The following SLC7A5 variants were observed in gnomAD, a reference collection of about 807,000 sequenced individuals.
The protein encoded by SLC7A5 is large neutral amino acids transporter small subunit 1.
A neutral mutation model predicts 50.2 loss-of-function variants in SLC7A5; 23 were observed. That is an observed-to-expected ratio of 0.46 (90% CI 0.33 to 0.65). SLC7A5 has a LOEUF of 0.65. SLC7A5 is among the 30% of genes least tolerant of loss of function. The pLI is 0.02. For synonymous variants in SLC7A5, 393 were observed against 330.6 expected (o/e 1.19, Z -2.05); for missense variants, 578 against 684.4 (o/e 0.84, Z 1.73).
At chr16:87,839,913 A>G (rs2055062353) in intron 4 of SLC7A5, 88 bp from the exon 5 acceptor site, 1 of 1,558,318 alleles carries the variant, frequency 6.4e-7, no homozygotes, top group South Asian at 1.1e-5. Flanking sequence ...GCTCCTCGCA[A>G]GCAGTAGCTC....
intron 1 of SLC7A5, among the ~76,000 whole-genome samples, chr16:87,855,959 C>T (rs73234421): frequency 0.074 from 11,230 of 152,262 alleles, 539 homozygotes; most frequent in South Asian, 0.14. Flanking sequence ...CCTGGGCCGC[C>T]GGTCCTCACC....
rs1035432160 is a variant in SLC7A5 at position 87,853,675 on chromosome 16, A to G, written c.539-1826T>C. 3.9e-5 allele frequency among the ~76,000 whole-genome samples: 6 copies of G among 152,196 alleles called. No homozygotes were observed. The highest frequency in any genetic ancestry group is 7.2e-5 in the African/African-American group (3 of 41,444). On this transcript the variant is annotated intron_variant, in intron 1 of 9. Transcript: ENST00000261622. The surrounding 1 kb of genome is among the most constrained non-coding windows in gnomAD (Gnocchi z 4.4). ...TGGTTGGGGGGAGCACGACCATAAA[A>G]GAAACTGAGCCTCGGGGACCTAGCC...
rs2055370150 is a variant in SLC7A5 at position 87,860,002 on chromosome 16, G to A, written c.539-8153C>T. 1.3e-5 allele frequency among the ~76,000 whole-genome samples: 2 copies of A among 151,710 alleles called. No individual in the cohort carries two copies. ...CAGATACTCCTTTCTATTGATACCA[G>A]GTCTTTAGCTAATAACTCTTTCAAC... On this transcript the variant is annotated intron_variant, in intron 1 of 9. Coordinates refer to ENST00000261622, the MANE Select transcript of SLC7A5 (RefSeq NM_003486.7). The surrounding 1 kb of genome is among the most constrained non-coding windows in gnomAD (Gnocchi z 4.8).
chr16:87,837,092 C>A (rs1410129964), intron 7 of SLC7A5, among the ~76,000 whole-genome samples: 1 of 152,232 alleles, frequency 6.6e-6, no homozygotes, highest in Non-Finnish European at 1.5e-5. Context: ...GCCAAAGAGT[C>A]CAGGACTTGC....
At chr16:87,847,109 A>G (rs1278513579) in intron 2 of SLC7A5, among the ~76,000 whole-genome samples, 1 of 152,194 alleles carries the variant, frequency 6.6e-6, no homozygotes, top group East Asian at 1.9e-4. Context: ...CTAGAAGCCC[A>G]GCTATGGGTC....
chr16:87,840,601 G>C (rs1042054333), intron 3 of SLC7A5, 128 bp from the exon 4 acceptor site: 4 of 804,644 alleles, frequency 5.0e-6, no homozygotes, highest in African/African-American at 1.8e-5. Context: ...GCTGGAAAGC[G>C]GACCTGGAGT....
At chr16:87,842,139 G>A (rs1203937366) in intron 2 of SLC7A5, among the ~76,000 whole-genome samples, 1 of 152,200 alleles carries the variant, frequency 6.6e-6, no homozygotes, top group Admixed American at 6.5e-5. Context: ...AAAGGAGCCG[G>A]GTCCCCTCCT....
chr16:87,832,818 A>T lies in SLC7A5; in HGVS notation c.*152T>A. The stretch of plus-strand genomic sequence containing the variant: ...ATGAGATTCGTACCAGAGTTTTCAC[A>T]GCAGCCTCCACTGCCCGACCTGGGA... On this transcript the variant is annotated 3_prime_UTR_variant, in exon 10 of 10. Coordinates refer to ENST00000261622, the MANE Select transcript of SLC7A5 (RefSeq NM_003486.7). The surrounding 1 kb of genome is among the most constrained non-coding windows in gnomAD (Gnocchi z 4.6). The T allele has an allele frequency of 1.4e-6, 1 of 706,402 alleles. No individual in the cohort carries two copies. 43.8% of individuals were successfully genotyped at this position (706,402 alleles called of 1,614,324 possible).
rs778102878 is a variant in SLC7A5, at chr16:87,860,797, G to A, written c.538+8088C>T. 1.3e-5 allele frequency among the ~76,000 whole-genome samples: 2 copies of A among 152,168 alleles called. No individual in the cohort carries two copies. Reference sequence around the variant, plus strand: ...GCTCCAAGGCCCAGAATAGGAGGTCGGTGCTCATTCCTCACGTAGTGGGCA... The same window carrying A: ...GCTCCAAGGCCCAGAATAGGAGGTCAGTGCTCATTCCTCACGTAGTGGGCA... On this transcript the variant is annotated intron_variant, in intron 1 of 9. Transcript: ENST00000261622. This position sits in a 1 kb window ranked among gnomAD's most constrained non-coding sequence, Gnocchi z 4.8.
At chr16:87,847,689 C>T (rs8044189) in intron 2 of SLC7A5, among the ~76,000 whole-genome samples, 4,028 of 152,274 alleles carry the variant, frequency 0.026, 167 homozygotes, top group African/African-American at 0.089. Flanking sequence ...CCCCCAGCAG[C>T]GCATGACCCT....
chr16:87,852,129 T>C lies in SLC7A5; in HGVS notation c.539-280A>G, dbSNP rs74706487. ...CCTCACCCCCCACCACACCAGGCCATGGAGTCCCACCTGTAGTCAGGACTT... is the reference window on the plus strand; with the variant it reads ...CCTCACCCCCCACCACACCAGGCCACGGAGTCCCACCTGTAGTCAGGACTT... On this transcript the variant is annotated intron_variant, in intron 1 of 9. Coordinates refer to ENST00000261622, the MANE Select transcript of SLC7A5 (RefSeq NM_003486.7). This position sits in a 1 kb window ranked among gnomAD's most constrained non-coding sequence, Gnocchi z 4.5. Among the ~76,000 whole-genome samples the C allele has an allele frequency of 0.014, 2,099 of 152,242 alleles. 53 individuals carry two copies. The highest frequency in any genetic ancestry group is 0.048 in the African/African-American group (1,996 of 41,550).
intron 1 of SLC7A5, among the ~76,000 whole-genome samples, chr16:87,867,648 C>A (rs913648145): frequency 5.9e-5 from 9 of 152,052 alleles, no homozygotes; most frequent in African/African-American, 7.2e-5. Context: ...TGGCTCAAGA[C>A]CCCAACTATA....
At position 87,833,724 on chromosome 16, in the gene SLC7A5, G is replaced by A. The variant is rs902356757; in HGVS notation, c.1468+690C>T. 3.9e-5 allele frequency among the ~76,000 whole-genome samples: 6 copies of A among 152,208 alleles called. No homozygotes were observed. Among genetic ancestry groups the A allele is most frequent in the East Asian group, 1.9e-4 (1 of 5,166 alleles). ...GACATGGGGATCAGCATGTAGGCCC[G>A]CAAGCACCCCGGCCTTTTTCTACGA... is the stretch of plus-strand genomic sequence containing the variant. On this transcript the variant is annotated intron_variant, in intron 9 of 9. Coordinates refer to ENST00000261622, the MANE Select transcript of SLC7A5 (RefSeq NM_003486.7). The surrounding 1 kb of genome is among the most constrained non-coding windows in gnomAD (Gnocchi z 6.0).
At chr16:87,856,212 C>T (rs2055317985) in intron 1 of SLC7A5, among the ~76,000 whole-genome samples, 1 of 152,246 alleles carries the variant, frequency 6.6e-6, no homozygotes, top group Non-Finnish European at 1.5e-5. Context: ...CAGGAGTCAT[C>T]TGTAATGACA....
At chr16:87,845,752 A>G (rs1234421044) in intron 2 of SLC7A5, among the ~76,000 whole-genome samples, 1 of 152,116 alleles carries the variant, frequency 6.6e-6, no homozygotes. Flanking sequence ...CCAACCTCAC[A>G]CCAGAAGTAA....
At chr16:87,838,568 C>T (rs2055041859) in intron 6 of SLC7A5, 146 bp downstream of exon 6, 4 of 717,706 alleles carry the variant, frequency 5.6e-6, no homozygotes, top group South Asian at 3.0e-5. Flanking sequence ...GCTGGGATTA[C>T]AGGTATGAGC....
intron 1 of SLC7A5, among the ~76,000 whole-genome samples, chr16:87,863,039 G>GC (rs1303323944): frequency 2.6e-5 from 4 of 152,216 alleles, no homozygotes; most frequent in Admixed American, 2.6e-4. Context: ...TGTCTCAGCA[G>GC]CCCCCCATGC....
chr16:87,863,354 G>A lies in SLC7A5; in HGVS notation c.538+5531C>T, dbSNP rs146272930. Among the ~76,000 whole-genome samples, 29 of 152,242 alleles carry A rather than the reference G, an allele frequency of 1.9e-4. No homozygotes were observed. In the East Asian group the frequency reaches 4.4e-3, roughly 23 times the overall value. Reference sequence around the variant, plus strand: ...ACTTTGAGTGGATGCTACCCTACTCGCTATGCAGAGCCAGCTGGGGCCCAG... The same window carrying A: ...ACTTTGAGTGGATGCTACCCTACTCACTATGCAGAGCCAGCTGGGGCCCAG... On this transcript the variant is annotated intron_variant, in intron 1 of 9. Coordinates refer to ENST00000261622, the MANE Select transcript of SLC7A5 (RefSeq NM_003486.7).
chr16:87,857,003 C>T (rs1424077217), intron 1 of SLC7A5, among the ~76,000 whole-genome samples: 6 of 127,488 alleles, frequency 4.7e-5, no homozygotes, highest in Non-Finnish European at 8.0e-5. Context: ...GACACGTCAC[C>T]GCCCCGGGCT....
Sources: gnomAD v4.1 joint callset for allele counts (sites outside exome capture counted in the v4.1 genomes callset) on GRCh38, gnomAD v4.1.1 for gene constraint, Gnocchi (gnomAD v3.1) non-coding constraint, MANE v1.5 for transcripts, NCBI Gene and HGNC (gene_info 2026-07-23, HGNC 2026-07-21) for gene names.